The following CNOT2 variants were observed in gnomAD, a reference collection of about 807,000 sequenced individuals.
CNOT2 encodes CC chemokine receptor 4-negative regulator of transcription 2.
In CNOT2, 7 loss-of-function variants were observed where a neutral mutation model predicts 72.1. That is an observed-to-expected ratio of 0.10 (90% CI 0.06 to 0.18). The LOEUF is 0.18. Ranked by LOEUF, CNOT2 falls within the 10% of genes least tolerant of loss-of-function variation. The pLI is 1.00. For synonymous variants in CNOT2, 196 were observed against 225.6 expected (o/e 0.87, Z 1.17); for missense variants, 345 against 660.3 (o/e 0.52, Z 5.23).
intron 2 of CNOT2, among the ~76,000 whole-genome samples, chr12:70,280,957 C>T (rs773610147): frequency 6.6e-6 from 1 of 152,128 alleles, no homozygotes; most frequent in Non-Finnish European, 1.5e-5. Context: ...CAAGGAAATG[C>T]ACCTTCAGTT....
intron 2 of CNOT2, among the ~76,000 whole-genome samples, chr12:70,309,546 A>C (rs1490681828): frequency 6.6e-6 from 1 of 152,154 alleles, no homozygotes; most frequent in Non-Finnish European, 1.5e-5. Context: ...ACTGATATGT[A>C]ATAGTGACTA....
At chr12:70,299,056 A>T (rs1459974487) in intron 2 of CNOT2, among the ~76,000 whole-genome samples, 1 of 152,088 alleles carries the variant, frequency 6.6e-6, no homozygotes, top group African/African-American at 2.4e-5. Flanking sequence ...TGGGTAGTTT[A>T]TAAGGGAAAG....
At chr12:70,257,354 C>CCTTTTTTTT (rs1958507396) in intron 1 of CNOT2, among the ~76,000 whole-genome samples, 2 of 128,568 alleles carry the variant, frequency 1.6e-5, no homozygotes, top group African/African-American at 5.6e-5. Flanking sequence ...CAACTACCCC[C>CCTTTTTTTT]TTTTTTTTTT....
chr12:70,274,525 A>C (rs1868431836), intron 1 of CNOT2, among the ~76,000 whole-genome samples: 1 of 152,068 alleles, frequency 6.6e-6, no homozygotes, highest in African/African-American at 2.4e-5. Flanking sequence ...CAAATTACAG[A>C]TATTTTAGAT....
chr12:70,292,170 A>G (rs545158368), intron 2 of CNOT2, among the ~76,000 whole-genome samples: 1 of 152,290 alleles, frequency 6.6e-6, no homozygotes, highest in South Asian at 2.1e-4. Flanking sequence ...GCACTCATAT[A>G]TTGGAATATA....
At chr12:70,332,922 G>A (rs1289294409) in intron 7 of CNOT2, 76 bp downstream of exon 7, 2 of 1,435,716 alleles carry the variant, frequency 1.4e-6, no homozygotes, top group Non-Finnish European at 9.1e-7. Context: ...CAACATACTG[G>A]TCTTTAAATA....
intron 3 of CNOT2, among the ~76,000 whole-genome samples, chr12:70,317,864 A>G (rs1877623499): frequency 6.6e-6 from 1 of 151,746 alleles, no homozygotes; most frequent in Non-Finnish European, 1.5e-5. Context: ...GCACCACAAG[A>G]CAGGGTGAGA....
intron 11 of CNOT2, among the ~76,000 whole-genome samples, chr12:70,341,718 C>T (rs1881532379): frequency 6.6e-6 from 1 of 152,016 alleles, no homozygotes; most frequent in Non-Finnish European, 1.5e-5. Context: ...ACTCAGTTTT[C>T]TTCTTGCCAC....
chr12:70,267,739 A>G (rs987360699), intron 1 of CNOT2, among the ~76,000 whole-genome samples: 1 of 152,250 alleles, frequency 6.6e-6, no homozygotes. Flanking sequence ...GCTTTCAACT[A>G]TCATCATGTT....
At chr12:70,308,907 T>C (rs1316556534) in intron 2 of CNOT2, among the ~76,000 whole-genome samples, 1 of 152,190 alleles carries the variant, frequency 6.6e-6, no homozygotes, top group Non-Finnish European at 1.5e-5. Flanking sequence ...TGAATAATTA[T>C]TGAATTATGC....
At chr12:70,252,469 A>G (rs1460697095) in intron 1 of CNOT2, among the ~76,000 whole-genome samples, 2 of 152,092 alleles carry the variant, frequency 1.3e-5, no homozygotes, top group African/African-American at 2.4e-5. Flanking sequence ...TTACTGGCCT[A>G]AATTATTGCT....
At chr12:70,254,713 A>G (rs1458483355) in intron 1 of CNOT2, among the ~76,000 whole-genome samples, 3 of 152,100 alleles carry the variant, frequency 2.0e-5, no homozygotes, top group Non-Finnish European at 4.4e-5. Context: ...TAGGCGCAGT[A>G]GCTCATGCCT....
intron 1 of CNOT2, among the ~76,000 whole-genome samples, chr12:70,267,996 A>G (rs188209239): frequency 2.6e-4 from 39 of 152,344 alleles, no homozygotes; most frequent in Admixed American, 5.9e-4. Flanking sequence ...AGTATTTACT[A>G]TCTGACCCTT....
At chr12:70,330,952 A>G (rs1424198096) in intron 6 of CNOT2, 1 of 152,172 alleles carries the variant, frequency 6.6e-6, no homozygotes, top group Non-Finnish European at 1.5e-5. Context: ...TATCATGTTT[A>G]GGGATTCAAA....
intron 2 of CNOT2, among the ~76,000 whole-genome samples, chr12:70,292,020 T>C (rs1184378147): frequency 6.6e-6 from 1 of 152,038 alleles, no homozygotes; most frequent in Non-Finnish European, 1.5e-5. Flanking sequence ...TGGACAGAAA[T>C]GTAAGGGCAG....
At chr12:70,323,750 T>G (rs1417895412) in intron 4 of CNOT2, 1 of 151,782 alleles carries the variant, frequency 6.6e-6, no homozygotes, top group African/African-American at 2.4e-5. Flanking sequence ...TCAAGATCAT[T>G]GCTACTTTTA....
intron 4 of CNOT2, among the ~76,000 whole-genome samples, chr12:70,326,306 G>A (rs1433827724): frequency 6.6e-6 from 1 of 151,748 alleles, no homozygotes. Flanking sequence ...AAGTAGTATA[G>A]TGCTTTGTTG....
intron 1 of CNOT2, among the ~76,000 whole-genome samples, chr12:70,253,220 C>A (rs1958238228): frequency 6.6e-6 from 1 of 152,186 alleles, no homozygotes; most frequent in Non-Finnish European, 1.5e-5. Flanking sequence ...CTGGTGTCTA[C>A]CTTTTTCAAC....
chr12:70,345,034 T>C (rs1385616986), intron 14 of CNOT2: 1 of 152,194 alleles, frequency 6.6e-6, no homozygotes, highest in African/African-American at 2.4e-5. Flanking sequence ...AATTGGTTCA[T>C]TGATATTTTT....
Sources: allele counts gnomAD v4.1 joint callset (sites outside exome capture counted in the v4.1 genomes callset), GRCh38; gene constraint gnomAD v4.1.1; transcripts MANE v1.5; gene names NCBI Gene and HGNC (gene_info 2026-07-23, HGNC 2026-07-21).